Variants in NUDT12 observed in about 807,000 individuals in gnomAD.
NUDT12 encodes NAD-capped RNA hydrolase NUDT12.
Under a neutral mutation model 45.7 loss-of-function variants are expected in NUDT12, and 42 were observed. That is an observed-to-expected ratio of 0.92 (90% CI 0.72 to 1.19). The LOEUF (loss-of-function observed/expected upper bound fraction) is 1.19. Ranked by LOEUF, NUDT12 falls within the 50% of genes most tolerant of loss-of-function variation. NUDT12 has a pLI of 0.00. For missense variants in NUDT12, 590 were observed against 533.1 expected, an observed-to-expected ratio of 1.11 and a Z score of -1.05; for synonymous variants, 206 against 179.7, an observed-to-expected ratio of 1.15 and a Z score of -1.17.
chr5:103,560,922 T>C (rs1312445226), intron 1 of NUDT12, among the ~76,000 whole-genome samples: 1 of 152,158 alleles, frequency 6.6e-6, no homozygotes, highest in Non-Finnish European at 1.5e-5. Context: ...CAGAGCAGCT[T>C]TTAAAACTCA....
intron 2 of NUDT12, 86 bp from the exon 3 acceptor site, chr5:103,559,554 G>T: frequency 1.5e-6 from 1 of 673,330 alleles, no homozygotes; most frequent in East Asian, 3.2e-5. Context: ...AATATTTCCA[G>T]ATACATATTA....
In NUDT12 at chr5:103,550,641, G is replaced by A. The variant is rs555718073; in HGVS notation, c.*220C>T. 36 of 378,956 alleles carry A rather than the reference G, an allele frequency of 9.5e-5. No individual in the cohort carries two copies. The South Asian group carries it at 1.6e-3, about 17-fold the overall frequency. 23.5% of individuals were successfully genotyped at this position (378,956 alleles called of 1,614,324 possible). On this transcript the variant is annotated 3_prime_UTR_variant, in exon 7 of 7. Coordinates refer to ENST00000230792, the MANE Select transcript of NUDT12 (RefSeq NM_031438.4). ...GAAACCAAGAGAGAAAAAGTTCAGA[G>A]AAGACTGACCCAAATTTAACATAAT...
At position 103,549,295 on chromosome 5, in the gene NUDT12, T is replaced by C. The variant is rs983802012; in HGVS notation, c.*1566A>G. The C allele has an allele frequency of 5.3e-5, 8 of 152,042 alleles. No homozygotes were observed. Among genetic ancestry groups the C allele is most frequent in the African/African-American group, 1.7e-4 (7 of 41,446 alleles). The allele number at this position is 152,042 out of a possible 1,614,324, so 9.4% of individuals were successfully genotyped here. A position where few individuals can be genotyped will look rare whatever the true frequency, so the allele number is the denominator to read the frequency against. ...TCTAAATGTCCTCTGTCAGTTTTAA[T>C]TTGGTTTAAATTCTTGATACCAATA... On this transcript the variant is annotated 3_prime_UTR_variant, in exon 7 of 7. Coordinates refer to ENST00000230792, the MANE Select transcript of NUDT12 (RefSeq NM_031438.4).
At position 103,555,629 on chromosome 5, in the gene NUDT12, G is replaced by C. The variant is rs186803625; in HGVS notation, c.964+302C>G. Among the ~76,000 whole-genome samples, 7 of 152,054 alleles carry C rather than the reference G, an allele frequency of 4.6e-5. No individual in the cohort carries two copies. In the East Asian group the frequency reaches 1.2e-3, roughly 25 times the overall value. ...ACTGCTTTAGTAATGCCTCAAACAGGCAATAAATTGTACTTAGTGGGGCTT... is the reference window on the plus strand; with the variant it reads ...ACTGCTTTAGTAATGCCTCAAACAGCCAATAAATTGTACTTAGTGGGGCTT... On this transcript the variant is annotated intron_variant, in intron 4 of 6. Transcript: ENST00000230792.
Position 103,555,997 on chromosome 5 carries a change from T to G in NUDT12, c.898A>C (p.Arg300=). 1.2e-6 allele frequency: 2 copies of G among 1,611,326 alleles called. No individual in the cohort carries two copies. The highest frequency in any genetic ancestry group is 1.7e-6 in the Non-Finnish European group (2 of 1,178,282). The change falls in exon 4 of 7, where the codon AGA becomes CGA. Residue 300 remains arginine (R), a synonymous_variant. Coordinates refer to ENST00000230792, the MANE Select transcript of NUDT12 (RefSeq NM_031438.4). ...ATKIEEGGYK[R]LCLKEDCPSL... The stretch of plus-strand genomic sequence containing the variant: ...GGACAGTCTTCTTTTAAACATAATC[T>G]CTTATAGCCACCTTCTTCAATTTTA...
intron 1 of NUDT12, among the ~76,000 whole-genome samples, chr5:103,560,577 A>T (rs1305171875): frequency 4.0e-5 from 2 of 50,138 alleles, no homozygotes; most frequent in African/African-American, 1.7e-4. Context: ...GGTAGACCAG[A>T]GGGGACTTCA....
intron 1 of NUDT12, 44 bp from the exon 2 acceptor site, chr5:103,560,298 CT>C: frequency 3.3e-6 from 4 of 1,219,054 alleles, no homozygotes; most frequent in Non-Finnish European, 4.8e-6. Flanking sequence ...TTTGCAACTG[CT>C]TTTTTATCAA....
In NUDT12 at chr5:103,549,276, T is replaced by A. The variant is rs951005224; in HGVS notation, c.*1585A>T. 3 of 152,048 alleles carry A rather than the reference T, an allele frequency of 2.0e-5. No individual in the cohort carries two copies. The highest frequency in any genetic ancestry group is 2.9e-5 in the Non-Finnish European group (2 of 67,928). 9.4% of individuals were successfully genotyped at this position (152,048 alleles called of 1,614,324 possible). On this transcript the variant is annotated 3_prime_UTR_variant, in exon 7 of 7. Coordinates refer to ENST00000230792, the MANE Select transcript of NUDT12 (RefSeq NM_031438.4). ...GCTCGAATTTTATTATGTATCTAAA[T>A]GTCCTCTGTCAGTTTTAATTTGGTT... is the stretch of plus-strand genomic sequence containing the variant.
rs936684715 is a variant in NUDT12, at chr5:103,560,384, T to G, written c.-6-130A>C. On this transcript the variant is annotated intron_variant, in intron 1 of 6. Transcript: ENST00000230792. Reference sequence around the variant, plus strand: ...CAACATACTATTCAACAGGCAATCCTTAAACAGCATACATTTCAATTTCAA... The same window carrying G: ...CAACATACTATTCAACAGGCAATCCGTAAACAGCATACATTTCAATTTCAA... 1.9e-5 allele frequency: 12 copies of G among 626,266 alleles called. No individual in the cohort carries two copies. In the Middle Eastern group the frequency reaches 1.7e-3, roughly 90 times the overall value. The allele number at this position is 626,266 out of a possible 1,614,324, so 38.8% of individuals were successfully genotyped here.
At chr5:103,557,042 G>A (rs1748844649) in intron 3 of NUDT12, among the ~76,000 whole-genome samples, 1 of 151,624 alleles carries the variant, frequency 6.6e-6, no homozygotes, top group African/African-American at 2.4e-5. Flanking sequence ...CATTTATTGA[G>A]TACTTACAAT....
At chr5:103,560,288 T>C (rs1419136048) in intron 1 of NUDT12, 34 bp from the exon 2 acceptor site, 2 of 1,347,090 alleles carry the variant, frequency 1.5e-6, no homozygotes, top group Non-Finnish European at 2.1e-6. Flanking sequence ...AAAAAGCTTA[T>C]TTGCAACTGC....
chr5:103,551,612 A>T lies in NUDT12; in HGVS notation c.1278+605T>A, dbSNP rs542562853. 7.0e-4 allele frequency among the ~76,000 whole-genome samples: 106 copies of T among 152,338 alleles called. 1 individual carries two copies. Among genetic ancestry groups the T allele is most frequent in the African/African-American group, 2.5e-3 (102 of 41,584 alleles). ...TTATAAAATTCATAAGCAATAATCT[A>T]ATTTCCATCTTTTAGGATTAAGCAT... On this transcript the variant is annotated intron_variant, in intron 6 of 6. Transcript: ENST00000230792.
In NUDT12 at chr5:103,550,200, T is replaced by G. The variant is rs1186919281; in HGVS notation, c.*661A>C. On this transcript the variant is annotated 3_prime_UTR_variant, in exon 7 of 7. Coordinates refer to ENST00000230792, the MANE Select transcript of NUDT12 (RefSeq NM_031438.4). ...AGGTCCCAGATATAATAGTATGCTT[T>G]TCTCCTTCCATGAGGGTGTGGTATT... 1 of 152,154 alleles carries G rather than the reference T, an allele frequency of 6.6e-6. No homozygotes were observed. Among genetic ancestry groups the G allele is most frequent in the Non-Finnish European group, 1.5e-5 (1 of 68,034 alleles). 9.4% of individuals were successfully genotyped at this position (152,154 alleles called of 1,614,324 possible). A position where few individuals can be genotyped will look rare whatever the true frequency, so the allele number is the denominator to read the frequency against.
intron 3 of NUDT12, among the ~76,000 whole-genome samples, chr5:103,558,473 AT>A (rs1487675872): frequency 6.6e-6 from 1 of 152,198 alleles, no homozygotes; most frequent in Admixed American, 6.6e-5. Flanking sequence ...TTTTAAAAAA[AT>A]ATTTTAAACA....
At chr5:103,560,835 T>A (rs752731144) in intron 1 of NUDT12, among the ~76,000 whole-genome samples, 2 of 152,230 alleles carry the variant, frequency 1.3e-5, no homozygotes, top group Non-Finnish European at 2.9e-5. Flanking sequence ...GAGACAAATA[T>A]TGTCACAAAT....
chr5:103,558,467 A>G (rs1207703453), intron 3 of NUDT12, among the ~76,000 whole-genome samples: 1 of 152,092 alleles, frequency 6.6e-6, no homozygotes, highest in African/African-American at 2.4e-5. Context: ...TGTCTTTTTT[A>G]AAAAAATATT....
At chr5:103,560,013 C>T (rs1205681496) in intron 2 of NUDT12, 30 bp downstream of exon 2, 1 of 1,493,020 alleles carries the variant, frequency 6.7e-7, no homozygotes. Flanking sequence ...ACCACAAACC[C>T]TTTCAGGTGG....
rs1190357601 is a variant in NUDT12 at position 103,556,000 on chromosome 5, T to C, written c.895A>G (p.Lys299Glu). Residue 299 changes from lysine to glutamate, a missense_variant, in exon 4 of 7, where the codon AAG becomes GAG. Lys to Glu is a moderately conservative substitution (Grantham distance 56). Coordinates refer to ENST00000230792, the MANE Select transcript of NUDT12 (RefSeq NM_031438.4). ...NATKIEEGGY[K>E]RLCLKEDCPS... ...CAGTCTTCTTTTAAACATAATCTCTTATAGCCACCTTCTTCAATTTTAGTT... is the reference window on the plus strand; with the variant it reads ...CAGTCTTCTTTTAAACATAATCTCTCATAGCCACCTTCTTCAATTTTAGTT... The C allele has an allele frequency of 1.9e-6, 3 of 1,611,616 alleles. No individual in the cohort carries two copies. In the Admixed American group the frequency reaches 5.0e-5, roughly 27 times the overall value.
chr5:103,558,150 A>T (rs537651125), intron 3 of NUDT12, among the ~76,000 whole-genome samples: 4 of 152,038 alleles, frequency 2.6e-5, no homozygotes, highest in African/African-American at 9.6e-5. Flanking sequence ...TTTCTCTCCA[A>T]ACTTTATCTT....
Sources: allele counts gnomAD v4.1 joint callset (sites outside exome capture counted in the v4.1 genomes callset), GRCh38; gene constraint gnomAD v4.1.1; transcripts MANE v1.5; gene names NCBI Gene and HGNC (gene_info 2026-07-23, HGNC 2026-07-21).